Variants in EPG5 observed in about 807,000 individuals in gnomAD.
EPG5 encodes ectopic P granules protein 5 homolog.
EPG5 carries 159 observed loss-of-function variants against 302.7 expected under a neutral mutation model. The observed-to-expected ratio is 0.53, with a 90% CI of 0.46 to 0.60. The LOEUF (loss-of-function observed/expected upper bound fraction) is 0.60. Ranked by LOEUF, EPG5 falls within the 20% of genes least tolerant of loss-of-function variation. The pLI is 0.00. For missense variants in EPG5, 2,896 were observed against 3,092.4 expected (o/e 0.94, Z 1.51); for synonymous variants, 1,158 against 1,136.8 (o/e 1.02, Z -0.37).
the EPG5 span, among the ~76,000 whole-genome samples, chr18:45,831,695 A>G: frequency 5.5e-4 from 84 of 152,290 alleles, no homozygotes; most frequent in African/African-American, 1.9e-3. Flanking sequence ...CAGCTGGTCC[A>G]ACATGCTAAA....
intron 36 of EPG5, among the ~76,000 whole-genome samples, chr18:45,869,296 C>T (rs888560479): frequency 6.6e-6 from 1 of 152,130 alleles, no homozygotes; most frequent in Admixed American, 6.5e-5. Context: ...ATGCTAACTA[C>T]TAATTCTCTT....
At position 45,879,102 on chromosome 18, in the gene EPG5, A is replaced by G; in HGVS notation, c.5780T>C (p.Val1927Ala). 6.2e-7 allele frequency: 1 copy of G among 1,614,170 alleles called. No homozygotes were observed. Among genetic ancestry groups the G allele is most frequent in the Non-Finnish European group, 8.5e-7 (1 of 1,180,020 alleles). Residue 1927 changes from valine to alanine, a missense_variant, in exon 33 of 44, where the codon GTG (valine) becomes GCG (alanine). By Grantham distance (64) the Val-to-Ala change is moderately conservative (BLOSUM62 0). Transcript: ENST00000282041. The part of the protein sequence containing the change: ...FSKWSPYMAD[V>A]KTFLGYLVKR... ...CACAAGGTAGCCCAAGAATGTCTTC[A>G]CATCAGCCATATAAGGACTCCATTT...
At chr18:45,912,191 T>C in intron 22 of EPG5, 99 bp downstream of exon 22, 1 of 1,127,538 alleles carries the variant, frequency 8.9e-7, no homozygotes, top group Non-Finnish European at 1.2e-6. Flanking sequence ...CACCAAAGAA[T>C]GATTCCAACT....
the EPG5 span, among the ~76,000 whole-genome samples, chr18:45,812,106 A>G: frequency 1.3e-5 from 2 of 152,334 alleles, no homozygotes; most frequent in Admixed American, 1.3e-4. Context: ...AATCACAAGC[A>G]TTCTTATACA....
At chr18:45,804,054 T>C in the EPG5 span, among the ~76,000 whole-genome samples, 1 of 152,272 alleles carries the variant, frequency 6.6e-6, no homozygotes, top group South Asian at 2.1e-4. Flanking sequence ...TAAGGAAAAA[T>C]GTGCTTATAA....
intron 8 of EPG5, among the ~76,000 whole-genome samples, chr18:45,943,784 G>A (rs2050724751): frequency 6.6e-6 from 1 of 152,136 alleles, no homozygotes; most frequent in South Asian, 2.1e-4. Flanking sequence ...AGCCGGGCGT[G>A]GTGGCGGGCG....
the EPG5 span, chr18:45,838,440 G>T: frequency 5.9e-6 from 3 of 512,770 alleles, no homozygotes; most frequent in African/African-American, 4.1e-5. Context: ...CTAGGGAGCC[G>T]GGACCTAGTC....
intron 12 of EPG5, 72 bp from the exon 13 acceptor site, chr18:45,929,081 T>G: frequency 1.4e-6 from 2 of 1,452,244 alleles, no homozygotes; most frequent in South Asian, 2.5e-5. Flanking sequence ...CTTATATCAT[T>G]TTTTCAAGCA....
chr18:45,844,362 G>A (rs1323317563), downstream of EPG5, among the ~76,000 whole-genome samples: 3 of 152,202 alleles, frequency 2.0e-5, no homozygotes, highest in East Asian at 3.9e-4. Context: ...ACAAGAGGGC[G>A]ACTATAGTTA....
chr18:45,855,715 A>C (rs567823481), intron 42 of EPG5, 28 bp from the exon 43 acceptor site: 1 of 1,430,066 alleles, frequency 7.0e-7, no homozygotes, highest in East Asian at 2.3e-5. Flanking sequence ...GGTCAGAAGA[A>C]GTAAATGGCT....
intron 27 of EPG5, among the ~76,000 whole-genome samples, chr18:45,891,641 A>G (rs1225297887): frequency 6.6e-6 from 1 of 152,160 alleles, no homozygotes; most frequent in Non-Finnish European, 1.5e-5. Context: ...ACTTTCTTGT[A>G]TAAAACTCAT....
At chr18:45,822,704 A>C in the EPG5 span, among the ~76,000 whole-genome samples, 1 of 151,756 alleles carries the variant, frequency 6.6e-6, no homozygotes, top group Non-Finnish European at 1.5e-5. Flanking sequence ...AATCAAAAAC[A>C]ATTAAAAATT....
At position 45,852,225 on chromosome 18, in the gene EPG5, T is replaced by C. The variant is rs1163282070; in HGVS notation, c.*242A>G. ...CCAAGTGGAACTTAGTAAGTTTCTC[T>C]TGTGGATAAATATAAAAACTTAAAG... On this transcript the variant is annotated 3_prime_UTR_variant, in exon 44 of 44. Coordinates refer to ENST00000282041, the MANE Select transcript of EPG5 (RefSeq NM_020964.3). The C allele has an allele frequency of 2.8e-6, 1 of 361,162 alleles. No individual in the cohort carries two copies. The highest frequency in any genetic ancestry group is 4.9e-6 in the Non-Finnish European group (1 of 202,584). The allele number at this position is 361,162 out of a possible 1,614,324, so 22.4% of individuals were successfully genotyped here.
the EPG5 span, among the ~76,000 whole-genome samples, chr18:45,816,741 A>G: frequency 1.3e-5 from 2 of 152,242 alleles, no homozygotes; most frequent in Admixed American, 6.5e-5. Flanking sequence ...AGAACAACCA[A>G]TTGAGCTAGC....
the EPG5 span, chr18:45,840,256 C>A: frequency 2.5e-6 from 4 of 1,610,116 alleles, no homozygotes; most frequent in Non-Finnish European, 3.4e-6. Flanking sequence ...GTGAGCTCCC[C>A]GCCTCCACCC....
chr18:45,810,143 C>A, the EPG5 span, among the ~76,000 whole-genome samples: 2 of 152,208 alleles, frequency 1.3e-5, no homozygotes, highest in South Asian at 4.1e-4. Context: ...TAGAAAGATA[C>A]AACTCTCCTA....
Position 45,967,173 on chromosome 18 carries a change from T to C in EPG5, c.63+4A>G. ...AGCCTCGGGAGGGTGGGGGAGATCC[T>C]CACCTTTGTTTTAGTCCGGCTGGCC... On this transcript the variant is annotated splice_donor_region_variant and intron_variant, in intron 1 of 43. Transcript: ENST00000282041. 6.3e-7 allele frequency: 1 copy of C among 1,597,684 alleles called. No individual in the cohort carries two copies. The highest frequency in any genetic ancestry group is 8.5e-7 in the Non-Finnish European group (1 of 1,172,066).
At chr18:45,844,827 G>A (rs975035944), downstream of EPG5, among the ~76,000 whole-genome samples, 7 of 152,206 alleles carry the variant, frequency 4.6e-5, no homozygotes, top group African/African-American at 1.7e-4. Flanking sequence ...TGCATGACCA[G>A]GGAAGAAGTT....
chr18:45,874,253 T>TG (rs1021750921), intron 35 of EPG5, among the ~76,000 whole-genome samples: 25 of 152,296 alleles, frequency 1.6e-4, no homozygotes, highest in African/African-American at 5.8e-4. Context: ...CTTGTGCATG[T>TG]GTGGGGGCAG....
Sources: gnomAD v4.1 joint callset for allele counts (sites outside exome capture counted in the v4.1 genomes callset) on GRCh38, gnomAD v4.1.1 for gene constraint, MANE v1.5 for transcripts, NCBI Gene and HGNC (gene_info 2026-07-23, HGNC 2026-07-21) for gene names.